Variants in ZFHX3 observed in about 807,000 individuals in gnomAD.
ZFHX3 encodes zinc finger homeobox protein 3.
In ZFHX3, 42 loss-of-function variants were observed where a neutral mutation model predicts 279.1. That is an observed-to-expected ratio of 0.15 (90% CI 0.12 to 0.19). The LOEUF (loss-of-function observed/expected upper bound fraction) is 0.19. Among genes scored for constraint, ZFHX3 ranks in the 10% least tolerant of loss-of-function variants. The pLI, the probability that ZFHX3 is intolerant of heterozygous loss-of-function variation, is 1.00. For missense variants in ZFHX3, 4,981 were observed against 4,754.0 expected (o/e 1.05, Z -1.40); for synonymous variants, 2,293 against 1,957.8 (o/e 1.17, Z -4.52).
intron 2 of ZFHX3, among the ~76,000 whole-genome samples, chr16:73,539,485 G>A (rs930072510): frequency 2.9e-5 from 3 of 103,296 alleles, no homozygotes; most frequent in South Asian, 3.2e-4. Context: ...GCCTTATACC[G>A]CTGTTTATTA....
At chr16:73,523,158 A>C (rs1394853338) in intron 2 of ZFHX3, among the ~76,000 whole-genome samples, 1 of 152,196 alleles carries the variant, frequency 6.6e-6, no homozygotes, top group Non-Finnish European at 1.5e-5. Flanking sequence ...TGGGAACATA[A>C]CACAAGACTT....
At chr16:73,649,577 G>C (rs1159213868) in intron 2 of ZFHX3, among the ~76,000 whole-genome samples, 1 of 152,166 alleles carries the variant, frequency 6.6e-6, no homozygotes, top group Admixed American at 6.5e-5. Flanking sequence ...ATATGTATGA[G>C]TTTTATATTT....
At chr16:73,022,598 G>T (rs954923546) in intron 1 of ZFHX3, among the ~76,000 whole-genome samples, 3 of 152,056 alleles carry the variant, frequency 2.0e-5, no homozygotes, top group Non-Finnish European at 4.4e-5. Context: ...GCCAAATCTT[G>T]GGGGGAGGAA....
At chr16:73,389,717 G>A (rs2016973116) in intron 3 of ZFHX3, among the ~76,000 whole-genome samples, 1 of 152,204 alleles carries the variant, frequency 6.6e-6, no homozygotes, top group Non-Finnish European at 1.5e-5. Context: ...TCCACCCACT[G>A]GTTCCCATTC....
intron 1 of ZFHX3, among the ~76,000 whole-genome samples, chr16:73,006,458 T>C (rs1038305350): frequency 1.3e-5 from 2 of 151,512 alleles, no homozygotes; most frequent in Non-Finnish European, 2.9e-5. Context: ...CCCCAATCTC[T>C]ATGAAAAAAA....
At chr16:72,837,447 C>CA (rs1182730722) in intron 4 of ZFHX3, among the ~76,000 whole-genome samples, 2 of 150,908 alleles carry the variant, frequency 1.3e-5, no homozygotes, top group Non-Finnish European at 2.9e-5. Context: ...ATGGAAAACT[C>CA]AGACATGCGC....
rs186988054 is a variant in ZFHX3 at position 72,996,296 on chromosome 16, T to A, written c.-49-36102A>T. On this transcript the variant is annotated intron_variant, in intron 1 of 9. Transcript: ENST00000268489. Reference sequence around the variant, plus strand: ...AGACTCCAACATAAAATAAATAAATTAATTAATTAATTCGTTCTTTTGCTT... The same window carrying A: ...AGACTCCAACATAAAATAAATAAATAAATTAATTAATTCGTTCTTTTGCTT... Among the ~76,000 whole-genome samples, 489 of 152,232 alleles carry A rather than the reference T, an allele frequency of 3.2e-3. 1 individual carries two copies. Among genetic ancestry groups the A allele is most frequent in the East Asian group, 5.8e-3 (30 of 5,176 alleles).
chr16:72,922,264 C>T (rs2039604429), intron 3 of ZFHX3, among the ~76,000 whole-genome samples: 1 of 152,164 alleles, frequency 6.6e-6, no homozygotes, highest in Non-Finnish European at 1.5e-5. Flanking sequence ...GCAACTCGCC[C>T]CTCTGGTTTG....
intron 1 of ZFHX3, among the ~76,000 whole-genome samples, chr16:73,765,374 T>C (rs1047290685): frequency 3.3e-5 from 5 of 152,194 alleles, no homozygotes; most frequent in Admixed American, 6.5e-5. Flanking sequence ...ATGGGGGAAA[T>C]ATGAACTTTG....
intron 2 of ZFHX3, among the ~76,000 whole-genome samples, chr16:73,507,812 T>G (rs2019354688): frequency 6.6e-6 from 1 of 152,126 alleles, no homozygotes; most frequent in Non-Finnish European, 1.5e-5. Context: ...CTGCCACTTT[T>G]TACCTGGGAG....
At chr16:73,761,105 C>T (rs6564524) in intron 1 of ZFHX3, among the ~76,000 whole-genome samples, 36,625 of 151,966 alleles carry the variant, frequency 0.24, 4,697 homozygotes, top group Non-Finnish European at 0.29. Context: ...AGCCCAAAAG[C>T]TTCTTAAGCT....
intron 5 of ZFHX3, among the ~76,000 whole-genome samples, chr16:72,817,493 C>T (rs1280648451): frequency 6.6e-6 from 1 of 152,210 alleles, no homozygotes; most frequent in Non-Finnish European, 1.5e-5. Flanking sequence ...AAGATATCCA[C>T]TTGCCCTCCA....
chr16:73,536,737 C>T (rs1313443046), intron 2 of ZFHX3, among the ~76,000 whole-genome samples: 1 of 152,156 alleles, frequency 6.6e-6, no homozygotes, highest in African/African-American at 2.4e-5. Flanking sequence ...ATGAGGTTTT[C>T]TCCGTCTCAC....
At chr16:72,851,399 G>C (rs1301351263) in intron 4 of ZFHX3, among the ~76,000 whole-genome samples, 1 of 152,148 alleles carries the variant, frequency 6.6e-6, no homozygotes, top group Non-Finnish European at 1.5e-5. Flanking sequence ...CAACACCACG[G>C]CGAGTCTTCC....
In ZFHX3 at chr16:73,348,331, G is replaced by T. The variant is rs16971765; in HGVS notation, c.-1290-29995C>A. On this transcript the variant is annotated intron_variant, in intron 3 of 17. Coordinates refer to the ZFHX3 transcript ENST00000641206. ...ATGCAACTGGGAGCAGCTCCGTTAAGTCTCCCTGCGATGGGTTGTTAATCA... is the reference window on the plus strand; with the variant it reads ...ATGCAACTGGGAGCAGCTCCGTTAATTCTCCCTGCGATGGGTTGTTAATCA... Among the ~76,000 whole-genome samples, 497 of 152,306 alleles carry T rather than the reference G, an allele frequency of 3.3e-3. 19 individuals are homozygous for T. In the East Asian group the frequency reaches 0.085, roughly 26 times the overall value.
intron 1 of ZFHX3, among the ~76,000 whole-genome samples, chr16:73,695,704 C>A (rs1567554383): frequency 6.6e-6 from 1 of 152,138 alleles, no homozygotes. Context: ...CCAGGGCTGC[C>A]AAGAGAATGC....
At chr16:73,105,721 C>G (rs906450575) in intron 7 of ZFHX3, among the ~76,000 whole-genome samples, 1 of 151,886 alleles carries the variant, frequency 6.6e-6, no homozygotes, top group African/African-American at 2.4e-5. Context: ...CCACTGCACT[C>G]CAGCCTGTGT....
chr16:73,720,431 G>A (rs1248610504), intron 1 of ZFHX3, among the ~76,000 whole-genome samples: 2 of 152,120 alleles, frequency 1.3e-5, no homozygotes, highest in South Asian at 2.1e-4. Flanking sequence ...GTCCATTTCC[G>A]TAGCTAACTG....
rs1457136270 is a variant in ZFHX3, at chr16:73,555,501, C to T, written c.-1546-99243G>A. ...GCTCTCTGCCCCTCCGCTTCCCTCCCCAGTGGGATTTCAGGAAGTACTGTA... is the reference window on the plus strand; with the variant it reads ...GCTCTCTGCCCCTCCGCTTCCCTCCTCAGTGGGATTTCAGGAAGTACTGTA... On this transcript the variant is annotated intron_variant, in intron 2 of 17. Transcript: ENST00000641206. Among the ~76,000 whole-genome samples the T allele has an allele frequency of 2.0e-5, 3 of 152,036 alleles. No individual in the cohort carries two copies. In the East Asian group the frequency reaches 5.9e-4, roughly 30 times the overall value.
Sources: gnomAD v4.1 joint callset for allele counts (sites outside exome capture counted in the v4.1 genomes callset) on GRCh38, gnomAD v4.1.1 for gene constraint, MANE v1.5 for transcripts, NCBI Gene and HGNC (gene_info 2026-07-23, HGNC 2026-07-21) for gene names.